USP9X: variants seen among roughly 807,000 people sequenced by gnomAD.
USP9X encodes the protein ubiquitin specific peptidase 9 X-linked.
A neutral mutation model predicts 190.3 loss-of-function variants in USP9X; 7 were observed. The observed-to-expected ratio is 0.04, with a 90% CI of 0.02 to 0.07. USP9X has a LOEUF of 0.07. USP9X is among the 10% of genes least tolerant of loss of function. The pLI, the probability that USP9X is intolerant of heterozygous loss-of-function variation, is 1.00. For synonymous variants in USP9X, 645 were observed against 659.5 expected, an observed-to-expected ratio of 0.98 and a Z score of 0.34; for missense variants, 1,010 against 1,916.9, an observed-to-expected ratio of 0.53 and a Z score of 8.83.
intron 38 of USP9X, among the ~76,000 whole-genome samples, chrX:41,220,743 A>G (rs1201355504): frequency 9.7e-6 from 1 of 102,990 alleles, no homozygotes; most frequent in African/African-American, 3.6e-5. Flanking sequence ...CACCTGAGGT[A>G]TGGAGTTCAA....
chrX:41,109,778 G>T (rs2062095682), intron 1 of USP9X, among the ~76,000 whole-genome samples: 1 of 110,674 alleles, frequency 9.0e-6, no homozygotes, highest in African/African-American at 3.3e-5. Flanking sequence ...GATGGGGGGG[G>T]CAGGAAACCT....
At chrX:41,124,344 C>A (rs1174680956) in intron 2 of USP9X, among the ~76,000 whole-genome samples, 2 of 109,226 alleles carry the variant, frequency 1.8e-5, no homozygotes, top group Non-Finnish European at 3.8e-5. Flanking sequence ...GCTCGGGAGG[C>A]TGAGGCAGAA....
chrX:41,190,458 C>T lies in USP9X; in HGVS notation c.3977+983C>T, dbSNP rs1775290713. ...CTATTCAGAAACTCTTAACAGGATC[C>T]CCACAAATCGGGTTGGGCGTGCTAC... On this transcript the variant is annotated intron_variant, in intron 26 of 44. Coordinates refer to ENST00000378308, the MANE Select transcript of USP9X (RefSeq NM_001039591.3). 3.6e-5 allele frequency among the ~76,000 whole-genome samples: 4 copies of T among 110,847 alleles called. No homozygotes were observed. The South Asian group carries it at 1.5e-3, about 43-fold the overall frequency.
chrX:41,152,001 A>G (rs974178239), intron 13 of USP9X, among the ~76,000 whole-genome samples: 1 of 111,850 alleles, frequency 8.9e-6, no homozygotes, highest in Non-Finnish European at 1.9e-5. Context: ...AAACAAAACC[A>G]AAAAACATGT....
chrX:41,111,661 G>T (rs765138686), intron 1 of USP9X, among the ~76,000 whole-genome samples: 2 of 110,970 alleles, frequency 1.8e-5, no homozygotes, highest in South Asian at 7.6e-4. Context: ...AGACTGCTTT[G>T]TTCAGAGGCT....
chrX:41,107,341 G>GAA (rs1274749072), intron 1 of USP9X, among the ~76,000 whole-genome samples: 1 of 112,504 alleles, frequency 8.9e-6, no homozygotes, highest in Non-Finnish European at 1.9e-5. Context: ...TTCTTTCAGT[G>GAA]CTTGAAGAAT....
intron 1 of USP9X, among the ~76,000 whole-genome samples, chrX:41,115,572 G>A: frequency 8.9e-6 from 1 of 111,945 alleles, no homozygotes; most frequent in African/African-American, 3.2e-5. Context: ...AAATAATCTG[G>A]TAGGGGGTTG....
intron 31 of USP9X, among the ~76,000 whole-genome samples, chrX:41,203,166 CTTCTGT>C (rs977596117): frequency 9.0e-6 from 1 of 110,649 alleles, no homozygotes; most frequent in African/African-American, 3.4e-5. Context: ...TACACCACTA[CTTCTGT>C]TGTTTTTTAA....
chrX:41,178,939 T>C lies in USP9X; in HGVS notation c.3149-5059T>C, dbSNP rs184663821. 3.6e-5 allele frequency among the ~76,000 whole-genome samples: 4 copies of C among 112,363 alleles called. No individual in the cohort carries two copies. In the Admixed American group the frequency reaches 3.8e-4, roughly 11 times the overall value. ...CATTTTTCTGCATATGTATATTCTGTTTTTGCAACACCATTTTTATTCAAG... is the reference window on the plus strand; with the variant it reads ...CATTTTTCTGCATATGTATATTCTGCTTTTGCAACACCATTTTTATTCAAG... On this transcript the variant is annotated intron_variant, in intron 21 of 44. Coordinates refer to ENST00000378308, the MANE Select transcript of USP9X (RefSeq NM_001039591.3).
chrX:41,152,917 T>G (rs1250424647), intron 13 of USP9X, 31 bp from the exon 14 acceptor site: 1 of 1,185,406 alleles, frequency 8.4e-7, no homozygotes, highest in Non-Finnish European at 1.1e-6. Context: ...TTTAATTGCC[T>G]AATTATATTG....
intron 6 of USP9X, among the ~76,000 whole-genome samples, chrX:41,138,102 G>A (rs1403937621): frequency 1.8e-5 from 2 of 111,207 alleles, no homozygotes; most frequent in Non-Finnish European, 3.8e-5. Context: ...TAAAAATATA[G>A]CCCAAAATAT....
chrX:41,223,043 G>A (rs2063279043), intron 38 of USP9X, among the ~76,000 whole-genome samples, 174 bp from the exon 39 acceptor site: 1 of 112,209 alleles, frequency 8.9e-6, no homozygotes, highest in Non-Finnish European at 1.9e-5. Flanking sequence ...ATAATTCTCT[G>A]AATGCTAAGT....
At chrX:41,223,974 G>A in intron 39 of USP9X, among the ~76,000 whole-genome samples, 1 of 111,435 alleles carries the variant, frequency 9.0e-6, no homozygotes, top group East Asian at 2.8e-4. Context: ...GGAGGCCAAG[G>A]CAGGAGAATC....
At chrX:41,152,361 C>T (rs1389124610) in intron 13 of USP9X, among the ~76,000 whole-genome samples, 1 of 111,659 alleles carries the variant, frequency 9.0e-6, no homozygotes, top group Non-Finnish European at 1.9e-5. Context: ...GTGGCCTTGT[C>T]TCCCCTAAAA....
At chrX:41,093,634 T>C (rs768209207) in intron 1 of USP9X, among the ~76,000 whole-genome samples, 1 of 112,394 alleles carries the variant, frequency 8.9e-6, no homozygotes, top group East Asian at 2.8e-4. Flanking sequence ...TGAGCCATCA[T>C]GCCTGGCCTA....
At chrX:41,123,787 A>G in intron 2 of USP9X, 63 bp downstream of exon 2, 1 of 1,063,750 alleles carries the variant, frequency 9.4e-7, no homozygotes, top group Non-Finnish European at 1.3e-6. Flanking sequence ...TCACATCTGT[A>G]ATCGCAGCAC....
chrX:41,186,895 C>T (rs2062883057), intron 24 of USP9X, among the ~76,000 whole-genome samples: 3 of 108,177 alleles, frequency 2.8e-5, no homozygotes, highest in African/African-American at 6.8e-5. Context: ...GGTGCTATCT[C>T]GGCTCACTGC....
At position 41,233,504 on chromosome X, in the gene USP9X, G is replaced by A. The variant is rs181857101; in HGVS notation, c.*980G>A. 8.9e-6 allele frequency: 1 copy of A among 112,254 alleles called. No homozygotes were observed. The highest frequency in any genetic ancestry group is 3.2e-5 in the African/African-American group (1 of 30,900). 9.3% of individuals were successfully genotyped at this position (112,254 alleles called of 1,213,427 possible). Reference sequence around the variant, plus strand: ...ATATAAGACTGTATTTGGTGTGCTTGTTTTGTTTCTTTGGTAGAGTTTATT... The same window carrying A: ...ATATAAGACTGTATTTGGTGTGCTTATTTTGTTTCTTTGGTAGAGTTTATT... On this transcript the variant is annotated 3_prime_UTR_variant, in exon 45 of 45. Coordinates refer to ENST00000378308, the MANE Select transcript of USP9X (RefSeq NM_001039591.3).
chrX:41,209,753 G>A (rs1458153078), intron 32 of USP9X, among the ~76,000 whole-genome samples: 1 of 112,000 alleles, frequency 8.9e-6, no homozygotes, highest in Non-Finnish European at 1.9e-5. Flanking sequence ...ATATAATAGA[G>A]ATCAGATTAT....
Sources: allele counts gnomAD v4.1 joint callset (sites outside exome capture counted in the v4.1 genomes callset), GRCh38; gene constraint gnomAD v4.1.1; transcripts MANE v1.5; gene names NCBI Gene and HGNC (gene_info 2026-07-23, HGNC 2026-07-21).